Variants in CPA6 observed in about 807,000 individuals in gnomAD.
The protein encoded by CPA6 is carboxypeptidase B.
A neutral mutation model predicts 63.3 loss-of-function variants in CPA6; 58 were observed. The ratio of observed to expected loss-of-function variants is 0.92; its 90% CI spans 0.74 to 1.14. The LOEUF (loss-of-function observed/expected upper bound fraction) is 1.14. CPA6 is among the 50% of genes most tolerant of loss of function. CPA6 has a pLI of 0.00. For missense variants in CPA6, 565 were observed against 526.6 expected, an observed-to-expected ratio of 1.07 and a Z score of -0.71; for synonymous variants, 185 against 179.0, an observed-to-expected ratio of 1.03 and a Z score of -0.27.
In CPA6 at chr8:67,704,620, C is replaced by A. The variant is rs1362699989; in HGVS notation, c.116+41394G>T. ...TGGTAAGACTGGTTCATTGTGGAAC[C>A]CCAAGGATGAATAGGGGGCTTCTGT... On this transcript the variant is annotated intron_variant, in intron 1 of 10. Transcript: ENST00000297770. Among the ~76,000 whole-genome samples, 8 of 152,158 alleles carry A rather than the reference C, an allele frequency of 5.3e-5. No individual in the cohort carries two copies. In the East Asian group the frequency reaches 1.4e-3, roughly 26 times the overall value.
chr8:67,575,995 A>T (rs985357595), intron 2 of CPA6, among the ~76,000 whole-genome samples: 1 of 152,218 alleles, frequency 6.6e-6, no homozygotes, highest in Non-Finnish European at 1.5e-5. Flanking sequence ...AATTGAATTC[A>T]TGGGAACTGA....
intron 2 of CPA6, among the ~76,000 whole-genome samples, chr8:67,554,782 T>C (rs923634016): frequency 2.0e-5 from 3 of 152,180 alleles, no homozygotes; most frequent in Non-Finnish European, 4.4e-5. Flanking sequence ...AGGGGTGACC[T>C]GGCTCTGGGA....
chr8:67,663,797 A>C (rs532174808), intron 1 of CPA6, among the ~76,000 whole-genome samples: 17 of 152,230 alleles, frequency 1.1e-4, no homozygotes, highest in Middle Eastern at 3.4e-3. Flanking sequence ...GGTTGATTCC[A>C]CATCTTTGCT....
intron 1 of CPA6, among the ~76,000 whole-genome samples, chr8:67,680,791 C>T (rs1413786616): frequency 6.6e-6 from 1 of 152,172 alleles, no homozygotes; most frequent in Non-Finnish European, 1.5e-5. Context: ...GACCTCAATC[C>T]ACCAGTTACC....
At chr8:67,731,144 C>T (rs1259650824) in intron 1 of CPA6, among the ~76,000 whole-genome samples, 1 of 152,104 alleles carries the variant, frequency 6.6e-6, no homozygotes, top group African/African-American at 2.4e-5. Context: ...ATTAAGATTC[C>T]TTTCCTAGAA....
At chr8:67,648,899 A>T (rs1815774409) in intron 1 of CPA6, among the ~76,000 whole-genome samples, 1 of 152,068 alleles carries the variant, frequency 6.6e-6, no homozygotes, top group Admixed American at 6.6e-5. Flanking sequence ...GGCTCTGTTT[A>T]TGTTCTTGCC....
intron 6 of CPA6, among the ~76,000 whole-genome samples, chr8:67,491,506 T>C (rs906082792): frequency 1.3e-5 from 2 of 152,148 alleles, no homozygotes; most frequent in Non-Finnish European, 2.9e-5. Flanking sequence ...CATTTTCTAA[T>C]AAGAAACATA....
chr8:67,604,569 C>T (rs1814578126), intron 2 of CPA6, among the ~76,000 whole-genome samples: 1 of 152,114 alleles, frequency 6.6e-6, no homozygotes, highest in Non-Finnish European at 1.5e-5. Context: ...CTCTCTCCAC[C>T]ACAATATGAA....
At chr8:67,634,222 T>TTATTATTA (rs1563370676) in intron 1 of CPA6, among the ~76,000 whole-genome samples, 12 of 139,730 alleles carry the variant, frequency 8.6e-5, no homozygotes, top group African/African-American at 3.0e-4. Flanking sequence ...TATTATTATT[T>TTATTATTA]ATTTGTTTTT....
intron 2 of CPA6, among the ~76,000 whole-genome samples, chr8:67,553,099 A>T (rs1446413201): frequency 6.6e-6 from 1 of 152,208 alleles, no homozygotes; most frequent in Non-Finnish European, 1.5e-5. Context: ...CCCATATGTT[A>T]TCAAATTGAC....
chr8:67,545,942 T>C (rs1203345019), intron 2 of CPA6, among the ~76,000 whole-genome samples: 4 of 152,142 alleles, frequency 2.6e-5, no homozygotes, highest in Non-Finnish European at 4.4e-5. Context: ...TCCAAACTCC[T>C]GGACAGCACA....
intron 8 of CPA6, among the ~76,000 whole-genome samples, chr8:67,450,956 C>T (rs1339570358): frequency 6.6e-6 from 1 of 152,204 alleles, no homozygotes; most frequent in African/African-American, 2.4e-5. Flanking sequence ...ACTTATGTTG[C>T]ACTGAAGCTA....
intron 1 of CPA6, among the ~76,000 whole-genome samples, chr8:67,745,458 C>T (rs1817990350): frequency 6.6e-6 from 1 of 152,152 alleles, no homozygotes; most frequent in Non-Finnish European, 1.5e-5. Flanking sequence ...GTTTTTCCTT[C>T]AGAAAAACTA....
rs138508651 is a variant in CPA6, at chr8:67,513,046, T to C, written c.318-1391A>G. On this transcript the variant is annotated intron_variant, in intron 3 of 10. Transcript: ENST00000297770. ...ATTGATCATTGACTTACTGCTTTTTTTGTTTCAATTTTTGATTTTAAAACT... is the reference window on the plus strand; with the variant it reads ...ATTGATCATTGACTTACTGCTTTTTCTGTTTCAATTTTTGATTTTAAAACT... 3.1e-3 allele frequency among the ~76,000 whole-genome samples: 468 copies of C among 152,344 alleles called. 1 individual carries two copies. The highest frequency in any genetic ancestry group is 0.011 in the African/African-American group (439 of 41,580).
chr8:67,622,850 TA>T (rs1350011388), intron 2 of CPA6, among the ~76,000 whole-genome samples: 2 of 152,206 alleles, frequency 1.3e-5, no homozygotes, highest in African/African-American at 4.8e-5. Context: ...TGCTGTCCAT[TA>T]AAATGAAGCC....
At chr8:67,489,246 G>A (rs535029219) in intron 6 of CPA6, among the ~76,000 whole-genome samples, 2 of 152,100 alleles carry the variant, frequency 1.3e-5, no homozygotes, top group South Asian at 4.2e-4. Context: ...GATCTGACCT[G>A]TCATTTACAT....
chr8:67,596,984 T>G (rs1488295002), intron 2 of CPA6, among the ~76,000 whole-genome samples: 1 of 152,216 alleles, frequency 6.6e-6, no homozygotes, highest in Non-Finnish European at 1.5e-5. Context: ...TGGTACTGAC[T>G]TATCCTATTA....
rs374802136 is a variant in CPA6 at position 67,558,914 on chromosome 8, A to G, written c.193-40867T>C. On this transcript the variant is annotated intron_variant, in intron 2 of 10. Coordinates refer to ENST00000297770, the MANE Select transcript of CPA6 (RefSeq NM_020361.5). ...ATCTTGTCAAATAAGCAAAAATTTA[A>G]GGCAATGTGCATGAGTCAGTGAAAT... Among the ~76,000 whole-genome samples, 9 of 152,332 alleles carry G rather than the reference A, an allele frequency of 5.9e-5. No individual in the cohort carries two copies. The East Asian group carries it at 1.2e-3, about 20-fold the overall frequency.
intron 1 of CPA6, among the ~76,000 whole-genome samples, chr8:67,687,476 G>C (rs1304637004): frequency 6.6e-6 from 1 of 151,336 alleles, no homozygotes; most frequent in African/African-American, 2.5e-5. Flanking sequence ...GGCAGACATG[G>C]ACTCATATGC....
Sources: allele counts gnomAD v4.1 joint callset (sites outside exome capture counted in the v4.1 genomes callset), GRCh38; gene constraint gnomAD v4.1.1; transcripts MANE v1.5; gene names NCBI Gene and HGNC (gene_info 2026-07-23, HGNC 2026-07-21).